Variants in ASCC3 observed in about 807,000 individuals in gnomAD.
The protein encoded by ASCC3 is activating signal cointegrator 1 complex subunit 3.
Under a neutral mutation model 256.3 loss-of-function variants are expected in ASCC3, and 158 were observed. The observed-to-expected ratio is 0.62, with a 90% confidence interval of 0.54 to 0.70. The LOEUF (loss-of-function observed/expected upper bound fraction) is 0.70, where lower values mean the gene tolerates loss of function less well. Ranked by LOEUF, ASCC3 falls within the 30% of genes least tolerant of loss-of-function variation. The pLI is 0.00. For missense variants in ASCC3, 2,259 were observed against 2,626.0 expected (o/e 0.86, Z 3.05); for synonymous variants, 948 against 883.4 (o/e 1.07, Z -1.30).
chr6:100,733,375 AT>A (rs1439403890), intron 10 of ASCC3, among the ~76,000 whole-genome samples: 2 of 152,100 alleles, frequency 1.3e-5, no homozygotes, highest in African/African-American at 4.8e-5. Flanking sequence ...CAGATCCCTT[AT>A]GAATACATTA....
chr6:100,558,437 T>C lies in ASCC3; in HGVS notation c.5551-18050A>G, dbSNP rs554585249. On this transcript the variant is annotated intron_variant, in intron 36 of 41. Coordinates refer to ENST00000369162, the MANE Select transcript of ASCC3 (RefSeq NM_006828.4). ...ATTAAGGATTGATTCAATAAGTGAT[T>C]TGTTCTTTTGAAACAATGTTCTTTA... Among the ~76,000 whole-genome samples, 4 of 152,260 alleles carry C rather than the reference T, an allele frequency of 2.6e-5. No homozygotes were observed. The South Asian group carries it at 8.3e-4, about 32-fold the overall frequency.
intron 5 of ASCC3, among the ~76,000 whole-genome samples, chr6:100,803,719 A>G (rs1367103143): frequency 6.6e-6 from 1 of 152,156 alleles, no homozygotes; most frequent in East Asian, 1.9e-4. Flanking sequence ...GGCTCTGAGA[A>G]CATGTATTAG....
chr6:100,666,284 T>C (rs552521547), intron 14 of ASCC3, among the ~76,000 whole-genome samples: 14 of 152,246 alleles, frequency 9.2e-5, no homozygotes, highest in African/African-American at 3.4e-4. Flanking sequence ...TTTATAAACA[T>C]TCATGTACAC....
rs1354443189 is a variant in ASCC3, at chr6:100,800,513, C to A, written c.923-9G>T. On this transcript the variant is annotated splice_polypyrimidine_tract_variant and intron_variant, in intron 5 of 41. Coordinates refer to ENST00000369162, the MANE Select transcript of ASCC3 (RefSeq NM_006828.4). ...AATTTTTTTACAATTGTCTAAGAAG[C>A]AAATTTAAGAAACACAATGTTTTAT... 1 of 1,576,246 alleles carries A rather than the reference C, an allele frequency of 6.3e-7. No homozygotes were observed. Among genetic ancestry groups the A allele is most frequent in the Non-Finnish European group, 8.7e-7 (1 of 1,150,902 alleles).
At chr6:100,726,669 T>C (rs938456258) in intron 10 of ASCC3, among the ~76,000 whole-genome samples, 29 of 152,070 alleles carry the variant, frequency 1.9e-4, no homozygotes, top group African/African-American at 6.8e-4. Context: ...TGCTTTAATT[T>C]CAGCACAGTA....
At chr6:100,588,701 G>C (rs1369027286) in intron 36 of ASCC3, among the ~76,000 whole-genome samples, 2 of 151,894 alleles carry the variant, frequency 1.3e-5, no homozygotes, top group Non-Finnish European at 2.9e-5. Flanking sequence ...CACTATGCTG[G>C]GCACAAAATT....
chr6:100,800,261 T>C (rs746766799), intron 6 of ASCC3, 39 bp downstream of exon 6: 1 of 1,598,214 alleles, frequency 6.3e-7, no homozygotes, highest in Non-Finnish European at 8.6e-7. Context: ...AAAGCAGCAA[T>C]TACAACACAA....
At chr6:100,532,507 T>A (rs1193596680) in intron 37 of ASCC3, among the ~76,000 whole-genome samples, 2 of 151,154 alleles carry the variant, frequency 1.3e-5, no homozygotes, top group African/African-American at 4.8e-5. Context: ...AAGAAGGGTT[T>A]CTTGCTTTCT....
chr6:100,684,802 CTTTTTTTTTT>C (rs34237443), intron 13 of ASCC3, among the ~76,000 whole-genome samples: 1 of 94,718 alleles, frequency 1.1e-5, no homozygotes, highest in African/African-American at 4.2e-5. Flanking sequence ...GAATCAAACT[CTTTTTTTTTT>C]TTTTTTTTTT....
intron 4 of ASCC3, among the ~76,000 whole-genome samples, chr6:100,812,232 T>C (rs1234559227): frequency 6.6e-6 from 1 of 152,092 alleles, no homozygotes; most frequent in African/African-American, 2.4e-5. Context: ...CCACAATATA[T>C]TAACTAAAAT....
chr6:100,684,873 C>A (rs142061003), intron 13 of ASCC3, among the ~76,000 whole-genome samples: 2,102 of 137,942 alleles, frequency 0.015, 41 homozygotes, highest in African/African-American at 0.055. Context: ...GTGGCGCGAT[C>A]TCGGCTCACT....
intron 13 of ASCC3, among the ~76,000 whole-genome samples, chr6:100,683,718 T>A (rs1356870702): frequency 6.6e-6 from 1 of 152,146 alleles, no homozygotes; most frequent in African/African-American, 2.4e-5. Context: ...AATAGTAAGA[T>A]TAAGTCAATA....
Position 100,872,948 on chromosome 6 carries a change from C to T in ASCC3, c.-41-4910G>A, listed in dbSNP as rs73506962. Among the ~76,000 whole-genome samples, 1,137 of 152,184 alleles carry T rather than the reference C, an allele frequency of 7.5e-3. 16 individuals carry two copies. Among genetic ancestry groups the T allele is most frequent in the African/African-American group, 0.026 (1,066 of 41,532 alleles). The stretch of plus-strand genomic sequence containing the variant: ...TACCCAAATGAGAAGAACCAGAAAC[C>T]TAACACTGGTAATATGACAAAACAT... On this transcript the variant is annotated intron_variant, in intron 1 of 41. Coordinates refer to ENST00000369162, the MANE Select transcript of ASCC3 (RefSeq NM_006828.4).
chr6:100,870,559 T>G (rs1358455502), intron 1 of ASCC3, among the ~76,000 whole-genome samples: 1 of 152,104 alleles, frequency 6.6e-6, no homozygotes. Context: ...AATGAGGTAT[T>G]AAAAACAAAC....
At chr6:100,879,621 G>A (rs754356510) in intron 1 of ASCC3, among the ~76,000 whole-genome samples, 1 of 152,034 alleles carries the variant, frequency 6.6e-6, no homozygotes, top group Non-Finnish European at 1.5e-5. Flanking sequence ...CCAAAGTGAA[G>A]ACTGGAAAGA....
intron 25 of ASCC3, 108 bp downstream of exon 25, chr6:100,638,493 A>C (rs1774954932): frequency 1.1e-6 from 1 of 918,430 alleles, no homozygotes; most frequent in Non-Finnish European, 1.6e-6. Context: ...ATTCACTGAG[A>C]GTGACAAATC....
At chr6:100,539,310 T>C (rs899117923) in intron 37 of ASCC3, among the ~76,000 whole-genome samples, 1 of 152,160 alleles carries the variant, frequency 6.6e-6, no homozygotes, top group African/African-American at 2.4e-5. Context: ...CACAATTATC[T>C]GAAAAGGCTA....
chr6:100,779,582 A>G (rs915150696), intron 8 of ASCC3, among the ~76,000 whole-genome samples: 4 of 152,204 alleles, frequency 2.6e-5, no homozygotes, highest in African/African-American at 9.6e-5. Flanking sequence ...CATATTTTAC[A>G]TGAGTGAGCC....
intron 13 of ASCC3, among the ~76,000 whole-genome samples, chr6:100,694,020 T>C (rs1777961095): frequency 6.6e-6 from 1 of 152,134 alleles, no homozygotes; most frequent in South Asian, 2.1e-4. Flanking sequence ...GCAGTCTAAA[T>C]ATTACAGGTA....
Sources: allele counts gnomAD v4.1 joint callset (sites outside exome capture counted in the v4.1 genomes callset), GRCh38; gene constraint gnomAD v4.1.1; transcripts MANE v1.5; gene names NCBI Gene and HGNC (gene_info 2026-07-23, HGNC 2026-07-21).